GALNT13: variants seen among roughly 807,000 people sequenced by gnomAD.
GALNT13 encodes UDP-GalNAc:polypeptide N-acetylgalactosaminyltransferase 13.
Under a neutral mutation model 64.2 loss-of-function variants are expected in GALNT13, and 28 were observed. The observed-to-expected ratio is 0.44, with a 90% CI of 0.32 to 0.60. The LOEUF (loss-of-function observed/expected upper bound fraction) is 0.60. Ranked by LOEUF, GALNT13 falls within the 20% of genes least tolerant of loss-of-function variation. The pLI is 0.05. For missense variants in GALNT13, 577 were observed against 669.8 expected, an observed-to-expected ratio of 0.86 and a Z score of 1.53; for synonymous variants, 214 against 224.6, an observed-to-expected ratio of 0.95 and a Z score of 0.42.
rs142075539 is a variant in GALNT13, at chr2:154,237,632, G to A, written c.312-4398G>A. On this transcript the variant is annotated intron_variant, in intron 4 of 12. Transcript: ENST00000392825. ...TTACACAAAACTTTAAATGCATTTT[G>A]TTGTCTAAACAAAAGAAATTATTGT... 5.6e-3 allele frequency among the ~76,000 whole-genome samples: 840 copies of A among 149,926 alleles called. 4 individuals carry two copies. Among genetic ancestry groups the A allele is most frequent in the South Asian group, 0.028 (134 of 4,766 alleles).
the GALNT13 span, among the ~76,000 whole-genome samples, chr2:153,105,196 T>A: frequency 6.6e-6 from 1 of 151,748 alleles, no homozygotes; most frequent in African/African-American, 2.4e-5. Context: ...GCTTCATCCC[T>A]GGGATGCAAG....
chr2:153,996,702 T>G (rs562589927), intron 3 of GALNT13, among the ~76,000 whole-genome samples: 7 of 152,282 alleles, frequency 4.6e-5, no homozygotes, highest in African/African-American at 1.7e-4. Context: ...CATTTTTCTT[T>G]TATTGCCTGT....
In GALNT13 at chr2:154,115,483, C is replaced by T. The variant is rs535570593; in HGVS notation, c.143-24854C>T. Among the ~76,000 whole-genome samples, 149 of 152,108 alleles carry T rather than the reference C, an allele frequency of 9.8e-4. 4 individuals carry two copies. The South Asian group carries it at 0.03, about 30-fold the overall frequency. Reference sequence around the variant, plus strand: ...ACACCCAGGCTAGAGTGCAGTGGCACAATCCCAGCTCACTGCAACTTCTGC... The same window carrying T: ...ACACCCAGGCTAGAGTGCAGTGGCATAATCCCAGCTCACTGCAACTTCTGC... On this transcript the variant is annotated intron_variant, in intron 3 of 12. Transcript: ENST00000392825.
At chr2:153,656,330 GTGTGTGTGTGCGCGCGCACATA>G in the GALNT13 span, among the ~76,000 whole-genome samples, 3 of 149,506 alleles carry the variant, frequency 2.0e-5, no homozygotes, top group Admixed American at 6.7e-5. Context: ...GTGTGTGTGT[GTGTGTGTGTGCGCGCGCACATA>G]TGTGTGTGTG....
chr2:153,895,806 T>C (rs1018017738), intron 1 of GALNT13, among the ~76,000 whole-genome samples: 1 of 151,928 alleles, frequency 6.6e-6, no homozygotes, highest in Non-Finnish European at 1.5e-5. Flanking sequence ...GCAGAAGATA[T>C]ATGCACAAGG....
At chr2:154,179,487 A>G (rs1395230370) in intron 4 of GALNT13, among the ~76,000 whole-genome samples, 1 of 152,156 alleles carries the variant, frequency 6.6e-6, no homozygotes, top group Admixed American at 6.6e-5. Flanking sequence ...TTTAAAATTA[A>G]AAGTATATAC....
At position 154,416,399 on chromosome 2, in the gene GALNT13, G is replaced by C. The variant is rs79228297; in HGVS notation, c.1395+7317G>C. Among the ~76,000 whole-genome samples, 31 of 151,516 alleles carry C rather than the reference G, an allele frequency of 2.0e-4. No individual in the cohort carries two copies. The East Asian group carries it at 5.2e-3, about 26-fold the overall frequency. On this transcript the variant is annotated intron_variant, in intron 11 of 12. Transcript: ENST00000392825. ...CATGAGGACACTAATCTCATTCCTC[G>C]GGGCAGAGACTTCATGACTTGATCA...
the GALNT13 span, among the ~76,000 whole-genome samples, chr2:153,189,228 A>G: frequency 6.6e-6 from 1 of 151,838 alleles, no homozygotes; most frequent in Non-Finnish European, 1.5e-5. Context: ...ATTCCCCAAA[A>G]CCCACACCTT....
At chr2:153,454,815 A>G in the GALNT13 span, among the ~76,000 whole-genome samples, 3 of 152,244 alleles carry the variant, frequency 2.0e-5, no homozygotes, top group African/African-American at 7.2e-5. Flanking sequence ...CAGCGTACTC[A>G]CACCAACATT....
At chr2:154,157,582 A>G (rs1446910077) in intron 4 of GALNT13, among the ~76,000 whole-genome samples, 3 of 152,228 alleles carry the variant, frequency 2.0e-5, no homozygotes, top group Non-Finnish European at 4.4e-5. Context: ...AAACAAATGT[A>G]TAAACAAAAT....
At chr2:153,430,438 G>A in the GALNT13 span, among the ~76,000 whole-genome samples, 1 of 151,706 alleles carries the variant, frequency 6.6e-6, no homozygotes, top group Non-Finnish European at 1.5e-5. Flanking sequence ...AAAGTTACAC[G>A]TGGTGTATTC....
intron 8 of GALNT13, among the ~76,000 whole-genome samples, chr2:154,260,205 A>G (rs988593252): frequency 5.9e-5 from 9 of 152,190 alleles, no homozygotes; most frequent in Admixed American, 1.3e-4. Context: ...AATATATGAA[A>G]CATTCCATCT....
intron 3 of GALNT13, among the ~76,000 whole-genome samples, chr2:153,990,382 C>T (rs2105186834): frequency 6.6e-6 from 1 of 152,208 alleles, no homozygotes; most frequent in East Asian, 1.9e-4. Flanking sequence ...GACTTTCCCA[C>T]ACTTAATTAT....
intron 3 of GALNT13, among the ~76,000 whole-genome samples, chr2:154,126,992 C>T (rs984664742): frequency 6.6e-6 from 1 of 152,032 alleles, no homozygotes; most frequent in African/African-American, 2.4e-5. Context: ...GATCAATAAG[C>T]AATCTTAAAG....
At chr2:153,665,880 G>A in the GALNT13 span, among the ~76,000 whole-genome samples, 1 of 152,274 alleles carries the variant, frequency 6.6e-6, no homozygotes, top group Admixed American at 6.5e-5. Context: ...CAGGCAGTGT[G>A]GAGCCCAGAG....
the GALNT13 span, among the ~76,000 whole-genome samples, chr2:153,501,988 C>T: frequency 6.6e-6 from 1 of 152,188 alleles, no homozygotes; most frequent in Non-Finnish European, 1.5e-5. Flanking sequence ...ACCATTCCTA[C>T]AACCAGTTTG....
chr2:154,159,639 G>A (rs934221879), intron 4 of GALNT13, among the ~76,000 whole-genome samples: 1 of 152,098 alleles, frequency 6.6e-6, no homozygotes, highest in African/African-American at 2.4e-5. Context: ...GATGAAAGAG[G>A]TATAGATCTG....
At chr2:154,275,328 G>C (rs1691582900) in intron 8 of GALNT13, among the ~76,000 whole-genome samples, 1 of 152,116 alleles carries the variant, frequency 6.6e-6, no homozygotes, top group Non-Finnish European at 1.5e-5. Flanking sequence ...CAGGCCTGGA[G>C]GCCTAGGAAG....
At chr2:153,469,566 T>A in the GALNT13 span, among the ~76,000 whole-genome samples, 1 of 152,080 alleles carries the variant, frequency 6.6e-6, no homozygotes, top group Non-Finnish European at 1.5e-5. Context: ...TCCATGCGCA[T>A]GAGAAAGCTA....
Sources: allele counts gnomAD v4.1 joint callset (sites outside exome capture counted in the v4.1 genomes callset), GRCh38; gene constraint gnomAD v4.1.1; transcripts MANE v1.5; gene names NCBI Gene and HGNC (gene_info 2026-07-23, HGNC 2026-07-21).